Variants in LIPI observed in about 807,000 individuals in gnomAD.
LIPI encodes lipase member I.
In LIPI, 59 loss-of-function variants were observed where a neutral mutation model predicts 50.6. That is an observed-to-expected ratio of 1.16 (90% CI 0.94 to 1.45). LIPI has a LOEUF of 1.45. Ranked by LOEUF, LIPI falls within the 40% of genes most tolerant of loss-of-function variation. The probability of loss-of-function intolerance (pLI) is 0.00; values close to 1 mark genes in which losing one functional copy is unlikely to be tolerated. For missense variants in LIPI, 586 were observed against 536.3 expected, an observed-to-expected ratio of 1.09 and a Z score of -0.92; for synonymous variants, 203 against 178.2, an observed-to-expected ratio of 1.14 and a Z score of -1.11.
At chr21:14,129,798 GTT>G (rs567972643) in intron 9 of LIPI, among the ~76,000 whole-genome samples, 5 of 101,726 alleles carry the variant, frequency 4.9e-5, no homozygotes, top group African/African-American at 1.9e-4. Context: ...GACTCTAATT[GTT>G]TTTTTTTTTA....
intron 1 of LIPI, among the ~76,000 whole-genome samples, chr21:14,190,867 T>C (rs2019646118): frequency 6.6e-6 from 1 of 152,028 alleles, no homozygotes; most frequent in African/African-American, 2.4e-5. Flanking sequence ...AATCAATACA[T>C]CCAAAGTGCT....
rs1377585542 is a variant in LIPI, at chr21:14,205,742, T to C, written c.46+5058A>G. 3.3e-5 allele frequency among the ~76,000 whole-genome samples: 5 copies of C among 152,078 alleles called. No individual in the cohort carries two copies. In the East Asian group the frequency reaches 5.8e-4, roughly 18 times the overall value. ...GTTTAATGAGAAAAAATAGATTTAA[T>C]AGACTTCAGTTAATTAAGAATAAAA... On this transcript the variant is annotated intron_variant, in intron 1 of 9. Coordinates refer to ENST00000681601, the MANE Select transcript of LIPI (RefSeq NM_001302998.2).
rs1285180079 is a variant in LIPI, at chr21:14,112,444, C to T, written c.1296-3364G>A. On this transcript the variant is annotated intron_variant, in intron 9 of 9. Transcript: ENST00000681601. ...CTTTGGTTGTTATGGACATTTTTAACAATATTAACCCCTCCAAGCTACAAA... is the reference window on the plus strand; with the variant it reads ...CTTTGGTTGTTATGGACATTTTTAATAATATTAACCCCTCCAAGCTACAAA... Among the ~76,000 whole-genome samples, 4 of 151,942 alleles carry T rather than the reference C, an allele frequency of 2.6e-5. No individual in the cohort carries two copies. In the East Asian group the frequency reaches 7.7e-4, roughly 29 times the overall value.
intron 9 of LIPI, among the ~76,000 whole-genome samples, chr21:14,124,670 A>G (rs555859544): frequency 6.6e-6 from 1 of 152,360 alleles, no homozygotes; most frequent in Admixed American, 6.5e-5. Context: ...GGACACTGAC[A>G]GCTTAAAAGG....
intron 2 of LIPI, among the ~76,000 whole-genome samples, chr21:14,187,694 T>C (rs759989301): frequency 6.6e-6 from 1 of 152,160 alleles, no homozygotes; most frequent in Non-Finnish European, 1.5e-5. Flanking sequence ...ACCTCCTCTG[T>C]CTCTCTACAG....
intron 8 of LIPI, among the ~76,000 whole-genome samples, chr21:14,149,268 A>T (rs2018005511): frequency 6.6e-6 from 1 of 152,190 alleles, no homozygotes; most frequent in Non-Finnish European, 1.5e-5. Flanking sequence ...AGCCCCATAT[A>T]AAACCATCAG....
At position 14,114,177 on chromosome 21, in the gene LIPI, C is replaced by CAA. The variant is rs78186842; in HGVS notation, c.1296-5099_1296-5098dup. On this transcript the variant is annotated intron_variant, in intron 9 of 9. Transcript: ENST00000681601. ...TGGGCAACAGGGCAAGACTCTGTCT[C>CAA]AAAAAAAAAAAAAAAAGTTCTGATC... Among the ~76,000 whole-genome samples the CAA allele has an allele frequency of 4.9e-3, 625 of 127,836 alleles. 2 individuals are homozygous for CAA. Among genetic ancestry groups the CAA allele is most frequent in the African/African-American group, 0.017 (567 of 32,834 alleles). The allele number at this position is 127,836 out of a possible 152,430, so 83.9% of individuals were successfully genotyped here.
chr21:14,210,903 C>T lies in LIPI; in HGVS notation c.-58G>A. 8.6e-7 allele frequency: 1 copy of T among 1,156,836 alleles called. No homozygotes were observed. Among genetic ancestry groups the T allele is most frequent in the Non-Finnish European group, 1.1e-6 (1 of 928,256 alleles). 71.7% of individuals were successfully genotyped at this position (1,156,836 alleles called of 1,614,324 possible). A position where few individuals can be genotyped will look rare whatever the true frequency, so the allele number is the denominator to read the frequency against. Reference sequence around the variant, plus strand: ...ATTCACCAAAAAGGAAATTCCGTAACTCATTGAGGTTTCTCTTTGGTAGGA... The same window carrying T: ...ATTCACCAAAAAGGAAATTCCGTAATTCATTGAGGTTTCTCTTTGGTAGGA... On this transcript the variant is annotated 5_prime_UTR_variant, in exon 1 of 10. Transcript: ENST00000681601.
chr21:14,141,418 T>C (rs1600854810), intron 9 of LIPI, among the ~76,000 whole-genome samples: 1 of 151,748 alleles, frequency 6.6e-6, no homozygotes, highest in African/African-American at 2.4e-5. Flanking sequence ...CAACCTTCTT[T>C]TAACTGCAAT....
intron 4 of LIPI, among the ~76,000 whole-genome samples, chr21:14,173,211 G>A (rs2018981601): frequency 6.6e-6 from 1 of 152,176 alleles, no homozygotes; most frequent in Admixed American, 6.5e-5. Flanking sequence ...GGGAGCTTCG[G>A]AGCAAAGGAA....
intron 9 of LIPI, among the ~76,000 whole-genome samples, chr21:14,133,601 C>T (rs142238229): frequency 6.1e-4 from 93 of 152,228 alleles, no homozygotes; most frequent in African/African-American, 2.0e-3. Context: ...TCTTATTCAA[C>T]GCAGTACTGT....
chr21:14,156,607 G>C (rs1303731774), intron 7 of LIPI, among the ~76,000 whole-genome samples: 2 of 151,758 alleles, frequency 1.3e-5, no homozygotes, highest in Non-Finnish European at 2.9e-5. Context: ...CCAAATTTGT[G>C]GTAATTTGTT....
chr21:14,186,025 G>A lies in LIPI; in HGVS notation c.477C>T (p.Ser159=), dbSNP rs397517. 0.21 allele frequency: 338,522 copies of A among 1,597,508 alleles called. 38,062 individuals carry two copies. The highest frequency in any genetic ancestry group is 0.26 in the South Asian group (23,402 of 90,660). ...CAAATCCACTGATATGAGCCCCTAA[G>A]CTCACACCTATGAAATGAAAATTGT... ...SLDNFHFIGV[S]LGAHISGFVG... is the part of the protein sequence containing the mutation. The change falls in exon 3 of 10, where the codon AGC becomes AGT. Residue 159 remains serine, a synonymous_variant. Coordinates refer to ENST00000681601, the MANE Select transcript of LIPI (RefSeq NM_001302998.2).
chr21:14,190,524 C>T (rs1029484140), intron 1 of LIPI, among the ~76,000 whole-genome samples: 1 of 151,932 alleles, frequency 6.6e-6, no homozygotes, highest in East Asian at 1.9e-4. Context: ...CAAGAGGTAA[C>T]GTATTATTTT....
intron 1 of LIPI, among the ~76,000 whole-genome samples, chr21:14,197,741 C>G (rs1024898381): frequency 4.0e-5 from 6 of 151,706 alleles, no homozygotes; most frequent in African/African-American, 1.5e-4. Flanking sequence ...CCGGAGAGGC[C>G]AACATTCAAA....
intron 1 of LIPI, among the ~76,000 whole-genome samples, chr21:14,207,795 GA>G (rs552792292): frequency 1.1e-3 from 164 of 152,076 alleles, no homozygotes; most frequent in African/African-American, 3.8e-3. Flanking sequence ...AATGAACACG[GA>G]AAAAAACACA....
At chr21:14,171,465 A>G (rs1299821225) in intron 4 of LIPI, among the ~76,000 whole-genome samples, 1 of 151,196 alleles carries the variant, frequency 6.6e-6, no homozygotes, top group African/African-American at 2.4e-5. Flanking sequence ...ACTTCAAACT[A>G]TACTACAAGG....
At chr21:14,112,862 T>C (rs2016470745) in intron 9 of LIPI, among the ~76,000 whole-genome samples, 1 of 152,184 alleles carries the variant, frequency 6.6e-6, no homozygotes, top group Non-Finnish European at 1.5e-5. Context: ...GCAATGTAAC[T>C]TATTCCTAAT....
chr21:14,150,660 TATA>T, intron 8 of LIPI, among the ~76,000 whole-genome samples: 1 of 152,308 alleles, frequency 6.6e-6, no homozygotes, highest in East Asian at 1.9e-4. Context: ...AATGTGTATG[TATA>T]TACATACATA....
Sources: allele counts gnomAD v4.1 joint callset (sites outside exome capture counted in the v4.1 genomes callset), GRCh38; gene constraint gnomAD v4.1.1; transcripts MANE v1.5; gene names NCBI Gene and HGNC (gene_info 2026-07-23, HGNC 2026-07-21).